Variants in ARHGEF33 observed in about 807,000 individuals in gnomAD.
ARHGEF33 encodes DH and coiled-coil domain-containing protein ENSP00000381780.
Under a neutral mutation model 101.9 loss-of-function variants are expected in ARHGEF33, and 72 were observed. That is an observed-to-expected ratio of 0.71 (90% CI 0.58 to 0.86). The LOEUF is 0.86. ARHGEF33 is among the 40% of genes least tolerant of loss of function. The pLI is 0.00. For synonymous variants in ARHGEF33, 499 were observed against 442.5 expected, an observed-to-expected ratio of 1.13 and a Z score of -1.60; for missense variants, 1,169 against 1,111.3, an observed-to-expected ratio of 1.05 and a Z score of -0.74.
At position 38,971,213 on chromosome 2, in the gene ARHGEF33, AT is replaced by A. The variant is rs562193479; in HGVS notation, c.2484-2500del. ...CCAGCTCCAAACAAAAGGTTTATTT[AT>A]AGCAAATCTAGACTTGGTATGACCT... On this transcript the variant is annotated intron_variant, in intron 17 of 17. Coordinates refer to ENST00000409978, the MANE Select transcript of ARHGEF33 (RefSeq NM_001145451.5). 9.3e-4 allele frequency among the ~76,000 whole-genome samples: 142 copies of A among 152,322 alleles called. 1 individual carries two copies. The highest frequency in any genetic ancestry group is 3.2e-3 in the African/African-American group (134 of 41,570).
At chr2:38,904,549 T>TA (rs1666344528) in intron 2 of ARHGEF33, among the ~76,000 whole-genome samples, 1 of 151,346 alleles carries the variant, frequency 6.6e-6, no homozygotes, top group Admixed American at 6.6e-5. Flanking sequence ...CTACTAAAAA[T>TA]ACAAAAATTA....
chr2:38,973,581 CA>C, intron 17 of ARHGEF33, 132 bp from the exon 18 acceptor site: 1 of 955,898 alleles, frequency 1.0e-6, no homozygotes, highest in Non-Finnish European at 1.5e-6. Flanking sequence ...TCATGAAATT[CA>C]GGGGAGTAAA....
chr2:38,938,646 A>G lies in ARHGEF33; in HGVS notation c.790+1087A>G, dbSNP rs186610702. Among the ~76,000 whole-genome samples the G allele has an allele frequency of 1.5e-3, 234 of 152,322 alleles. 1 individual carries two copies. Among genetic ancestry groups the G allele is most frequent in the African/African-American group, 5.3e-3 (219 of 41,582 alleles). ...ACATTTAAGCTAATAGACATTTTAC[A>G]TGTGTCTATCCCCTGTGATCACCAC... On this transcript the variant is annotated intron_variant, in intron 9 of 17. Transcript: ENST00000409978.
intron 2 of ARHGEF33, among the ~76,000 whole-genome samples, chr2:38,911,020 T>C (rs1572743555): frequency 1.3e-5 from 2 of 152,294 alleles, no homozygotes; most frequent in East Asian, 1.9e-4. Context: ...AACGTGTGTT[T>C]GGCCCACTGC....
intron 7 of ARHGEF33, among the ~76,000 whole-genome samples, chr2:38,935,116 T>C (rs1479741362): frequency 6.6e-6 from 1 of 151,728 alleles, no homozygotes; most frequent in Non-Finnish European, 1.5e-5. Flanking sequence ...ATGATCATTA[T>C]AAGGGCTTTG....
At chr2:38,956,431 A>G (rs969541135) in intron 13 of ARHGEF33, among the ~76,000 whole-genome samples, 1 of 152,252 alleles carries the variant, frequency 6.6e-6, no homozygotes, top group Non-Finnish European at 1.5e-5. Context: ...TAGCTTTCCC[A>G]AATCCAAGTC....
chr2:38,900,907 G>A (rs1666224960), intron 2 of ARHGEF33, among the ~76,000 whole-genome samples: 1 of 152,162 alleles, frequency 6.6e-6, no homozygotes, highest in Admixed American at 6.5e-5. Flanking sequence ...GCTCCCGAGA[G>A]CAGTACTCAG....
chr2:38,896,566 C>T (rs1666126986), intron 2 of ARHGEF33, among the ~76,000 whole-genome samples: 1 of 152,156 alleles, frequency 6.6e-6, no homozygotes, highest in South Asian at 2.1e-4. Flanking sequence ...ACTTAATAAC[C>T]ATGTGGGCTA....
At chr2:38,893,146 C>G (rs1386077840) in intron 1 of ARHGEF33, among the ~76,000 whole-genome samples, 2 of 144,528 alleles carry the variant, frequency 1.4e-5, no homozygotes, top group Admixed American at 7.6e-5. Flanking sequence ...TGCTTTGTTC[C>G]TCTGGTAATC....
In ARHGEF33 at chr2:38,960,263, A is replaced by G. The variant is rs1218712941; in HGVS notation, c.1958A>G (p.Asp653Gly). ...CCTGCCTCCTCCGAGTCCAGCCTGG[A>G]CATCTGCTTCCTGCGGCCCGTCAGC... is the stretch of plus-strand genomic sequence containing the variant. ...CSPASSESSL[D>G]ICFLRPVSFA... Residue 653 changes from aspartate to glycine, a missense_variant, in exon 16 of 18, where the codon GAC becomes GGC. Asp to Gly is a moderately conservative substitution (Grantham distance 94). Coordinates refer to ENST00000409978, the MANE Select transcript of ARHGEF33 (RefSeq NM_001145451.5). The G allele has an allele frequency of 6.5e-7, 1 of 1,547,866 alleles. No homozygotes were observed. The highest frequency in any genetic ancestry group is 8.7e-7 in the Non-Finnish European group (1 of 1,146,186).
At chr2:38,896,666 C>T (rs892508804) in intron 2 of ARHGEF33, among the ~76,000 whole-genome samples, 1 of 152,134 alleles carries the variant, frequency 6.6e-6, no homozygotes. Flanking sequence ...AGTAGCACAG[C>T]TGGGATTGGA....
chr2:38,940,005 A>G (rs935850978), intron 9 of ARHGEF33, among the ~76,000 whole-genome samples: 5 of 151,988 alleles, frequency 3.3e-5, no homozygotes, highest in Admixed American at 3.3e-4. Flanking sequence ...CTCCAGGTTC[A>G]TTTTTTTTCC....
intron 9 of ARHGEF33, among the ~76,000 whole-genome samples, chr2:38,943,300 C>T (rs1299006718): frequency 6.6e-6 from 1 of 152,146 alleles, no homozygotes; most frequent in East Asian, 1.9e-4. Flanking sequence ...AAGTGGAAGA[C>T]CCTCCAATCT....
At position 38,971,738 on chromosome 2, in the gene ARHGEF33, C is replaced by G. The variant is rs528551585; in HGVS notation, c.2484-1976C>G. On this transcript the variant is annotated intron_variant, in intron 17 of 17. Coordinates refer to ENST00000409978, the MANE Select transcript of ARHGEF33 (RefSeq NM_001145451.5). ...ATTTAGCTGTTAGTTTAATTAATATCAAGAAATGCAGAGAAATTCAGACAT... is the reference window on the plus strand; with the variant it reads ...ATTTAGCTGTTAGTTTAATTAATATGAAGAAATGCAGAGAAATTCAGACAT... The G allele has an allele frequency of 6.2e-5, 43 of 691,398 alleles. No individual in the cohort carries two copies. In the African/African-American group the frequency reaches 7.5e-4, roughly 12 times the overall value. The allele number at this position is 691,398 out of a possible 1,614,324, so 42.8% of individuals were successfully genotyped here.
Position 38,958,247 on chromosome 2 carries a change from C to T in ARHGEF33, c.1535+49C>T, listed in dbSNP as rs527547959. ...GGTTAATGCCAATGCCTTTGGGACC[C>T]AGCCAGTCTGTGCGGGTTAGCAGGG... On this transcript the variant is annotated intron_variant, in intron 15 of 17. Coordinates refer to ENST00000409978, the MANE Select transcript of ARHGEF33 (RefSeq NM_001145451.5). The T allele has an allele frequency of 6.5e-5, 101 of 1,546,404 alleles. No homozygotes were observed. The African/African-American group carries it at 9.2e-4, about 14-fold the overall frequency.
At chr2:38,951,654 T>G (rs1283673888) in intron 11 of ARHGEF33, among the ~76,000 whole-genome samples, 3 of 152,006 alleles carry the variant, frequency 2.0e-5, no homozygotes, top group Non-Finnish European at 4.4e-5. Context: ...TATATGCATC[T>G]GTGTATATAT....
chr2:38,917,226 G>T (rs890544908), intron 2 of ARHGEF33, among the ~76,000 whole-genome samples: 7 of 150,790 alleles, frequency 4.6e-5, no homozygotes, highest in Admixed American at 1.3e-4. Context: ...CGAGTAGCTG[G>T]GATTACAGGC....
intron 17 of ARHGEF33, chr2:38,973,323 T>C (rs1159778247): frequency 1.3e-5 from 2 of 152,976 alleles, no homozygotes; most frequent in African/African-American, 4.8e-5. Context: ...TGAAGGTCCT[T>C]GATAACCTTG....
intron 2 of ARHGEF33, among the ~76,000 whole-genome samples, chr2:38,902,900 T>C (rs1360424192): frequency 6.6e-6 from 1 of 152,120 alleles, no homozygotes; most frequent in Non-Finnish European, 1.5e-5. Flanking sequence ...TCCTCTCTTA[T>C]ATGTATGGGT....
Sources: gnomAD v4.1 joint callset for allele counts (sites outside exome capture counted in the v4.1 genomes callset) on GRCh38, gnomAD v4.1.1 for gene constraint, MANE v1.5 for transcripts, NCBI Gene and HGNC (gene_info 2026-07-23, HGNC 2026-07-21) for gene names.